Variants in PKD2L2 observed in about 807,000 individuals in gnomAD.
The protein encoded by PKD2L2 is polycystin 2 like 2, transient receptor potential cation channel.
A neutral mutation model predicts 83.9 loss-of-function variants in PKD2L2; 67 were observed. That is an observed-to-expected ratio of 0.80 (90% CI 0.66 to 0.98). PKD2L2 has a LOEUF of 0.98. Among genes scored for constraint, PKD2L2 ranks in the 50% least tolerant of loss-of-function variants. The probability of loss-of-function intolerance (pLI) is 0.00; values close to 1 mark genes in which losing one functional copy is unlikely to be tolerated. For missense variants in PKD2L2, 632 were observed against 717.2 expected (o/e 0.88, Z 1.36); for synonymous variants, 223 against 237.8 (o/e 0.94, Z 0.57).
intron 11 of PKD2L2, 98 bp from the exon 12 acceptor site, chr5:137,925,777 A>G (rs1359792312): frequency 9.8e-6 from 6 of 614,074 alleles, no homozygotes; most frequent in Non-Finnish European, 1.7e-5. Flanking sequence ...AGGAAGAAAT[A>G]TTATTCAGAT....
intron 8 of PKD2L2, among the ~76,000 whole-genome samples, chr5:137,915,997 T>C (rs934070462): frequency 7.3e-5 from 11 of 151,624 alleles, no homozygotes; most frequent in African/African-American, 2.7e-4. Context: ...TGTCTTCATT[T>C]CTCCCTCACC....
At chr5:137,927,812 C>T (rs1322890079) in intron 12 of PKD2L2, among the ~76,000 whole-genome samples, 7 of 152,162 alleles carry the variant, frequency 4.6e-5, no homozygotes, top group African/African-American at 1.7e-4. Context: ...GGTTTCACTA[C>T]GTTGGCCAGG....
intron 3 of PKD2L2, 53 bp downstream of exon 3, chr5:137,892,666 T>G (rs1756090527): frequency 6.9e-7 from 1 of 1,453,108 alleles, no homozygotes; most frequent in Admixed American, 2.0e-5. Flanking sequence ...CCATGAACCC[T>G]TGGCATACAC....
At chr5:137,915,665 C>T (rs1183191051) in intron 8 of PKD2L2, among the ~76,000 whole-genome samples, 8 of 152,138 alleles carry the variant, frequency 5.3e-5, no homozygotes, top group Admixed American at 6.6e-5. Flanking sequence ...GTGATCTACC[C>T]GCCTTGGCCT....
intron 14 of PKD2L2, among the ~76,000 whole-genome samples, chr5:137,937,396 G>C (rs1354885158): frequency 1.3e-5 from 2 of 152,222 alleles, no homozygotes; most frequent in Non-Finnish European, 2.9e-5. Flanking sequence ...GTTATGTTTG[G>C]AAAGTGTAAA....
At chr5:137,924,771 T>C (rs1759234178) in intron 10 of PKD2L2, among the ~76,000 whole-genome samples, 1 of 152,190 alleles carries the variant, frequency 6.6e-6, no homozygotes, top group African/African-American at 2.4e-5. Context: ...CTTAACGCAA[T>C]ACATGTTAAC....
chr5:137,907,965 AAAATT>A, intron 7 of PKD2L2, 53 bp downstream of exon 7: 2 of 781,688 alleles, frequency 2.6e-6, no homozygotes, highest in Non-Finnish European at 1.9e-6. Context: ...AGCATAATGA[AAAATT>A]AAACTAAAAA....
rs1021499841 is a variant in PKD2L2, at chr5:137,889,519, G to A, written c.28G>A (p.Gly10Ser). 1.9e-6 allele frequency: 3 copies of A among 1,553,576 alleles called. No homozygotes were observed. The highest frequency in any genetic ancestry group is 5.2e-5 in the East Asian group (2 of 38,760). Reference protein sequence around the residue: MAEASRWHRGGASKHKLHYR... With the variant: MAEASRWHRSGASKHKLHYR... Reference sequence around the variant, plus strand: ...GGCTGAGGCGTCACGGTGGCACCGAGGCGGTGAGGGGTCCTCTTAAGGAGT... The same window carrying A: ...GGCTGAGGCGTCACGGTGGCACCGAAGCGGTGAGGGGTCCTCTTAAGGAGT... Residue 10 changes from glycine to serine, a missense_variant, in exon 1 of 15, where the codon GGC becomes AGC. Coordinates refer to ENST00000508883, the MANE Select transcript of PKD2L2 (RefSeq NM_001300921.2).
At chr5:137,894,657 G>GT (rs756236420) in intron 4 of PKD2L2, 48 bp downstream of exon 4, 1 of 1,440,096 alleles carries the variant, frequency 6.9e-7, no homozygotes, top group Admixed American at 1.8e-5. Context: ...ATTTACTGTT[G>GT]TATCTTTTAG....
intron 8 of PKD2L2, 65 bp downstream of exon 8, chr5:137,909,011 C>A: frequency 1.2e-6 from 1 of 863,922 alleles, no homozygotes; most frequent in South Asian, 1.6e-5. Context: ...TTGGAAAGGT[C>A]TAACCTTCTA....
chr5:137,936,251 T>G, intron 13 of PKD2L2, 69 bp from the exon 14 acceptor site: 1 of 1,382,924 alleles, frequency 7.2e-7, no homozygotes, highest in African/African-American at 1.4e-5. Context: ...CATTTCGCAC[T>G]AGTAACTTGC....
At chr5:137,923,357 T>A (rs1260440746) in intron 9 of PKD2L2, 63 bp from the exon 10 acceptor site, 1 of 833,090 alleles carries the variant, frequency 1.2e-6, no homozygotes, top group Non-Finnish European at 2.0e-6. Context: ...CCAAAACTTG[T>A]TAAAGTCATT....
intron 12 of PKD2L2, among the ~76,000 whole-genome samples, chr5:137,931,952 G>C (rs191466373): frequency 1.3e-5 from 2 of 152,240 alleles, no homozygotes; most frequent in Admixed American, 1.3e-4. Flanking sequence ...ACATCAATTG[G>C]TTTGGTAAAA....
At chr5:137,923,221 G>A (rs181915248) in intron 9 of PKD2L2, among the ~76,000 whole-genome samples, 199 bp from the exon 10 acceptor site, 142 of 151,970 alleles carry the variant, frequency 9.3e-4, no homozygotes, top group Middle Eastern at 3.4e-3. Flanking sequence ...TTGCCATGTT[G>A]GCCAGGCTGA....
chr5:137,925,847 T>C, intron 11 of PKD2L2, 28 bp from the exon 12 acceptor site: 3 of 1,503,130 alleles, frequency 2.0e-6, no homozygotes, highest in Non-Finnish European at 2.8e-6. Context: ...GTCATTTGCC[T>C]CTGACTTTTA....
intron 4 of PKD2L2, among the ~76,000 whole-genome samples, chr5:137,898,303 G>A (rs1756653634): frequency 6.6e-6 from 1 of 152,116 alleles, no homozygotes; most frequent in Non-Finnish European, 1.5e-5. Context: ...TTGATTTTAT[G>A]TTTCATTAAA....
intron 8 of PKD2L2, among the ~76,000 whole-genome samples, chr5:137,913,814 C>T (rs1580941520): frequency 6.6e-6 from 1 of 151,332 alleles, no homozygotes; most frequent in South Asian, 2.1e-4. Context: ...TCTCAAGTAA[C>T]TGGGATTAAA....
chr5:137,900,524 C>T (rs1204432193), intron 5 of PKD2L2, among the ~76,000 whole-genome samples: 2 of 152,136 alleles, frequency 1.3e-5, no homozygotes, highest in African/African-American at 2.4e-5. Context: ...CAGTTGCCCA[C>T]GATTTCAAGA....
intron 12 of PKD2L2, among the ~76,000 whole-genome samples, chr5:137,934,173 G>A (rs7708802): frequency 1.8e-4 from 28 of 152,270 alleles, no homozygotes; most frequent in African/African-American, 6.3e-4. Context: ...TACCACAAGG[G>A]AAGGTGGTAG....
Sources: allele counts gnomAD v4.1 joint callset (sites outside exome capture counted in the v4.1 genomes callset), GRCh38; gene constraint gnomAD v4.1.1; transcripts MANE v1.5; gene names NCBI Gene and HGNC (gene_info 2026-07-23, HGNC 2026-07-21).